SVEP1: variants seen among roughly 807,000 people sequenced by gnomAD.
SVEP1 encodes sushi, von Willebrand factor type A, EGF and pentraxin domain containing 1, also known as sushi, von Willebrand factor type A, EGF and pentraxin domain-containing protein 1.
A neutral mutation model predicts 367.3 loss-of-function variants in SVEP1; 164 were observed. The observed-to-expected ratio is 0.45, with a 90% CI of 0.39 to 0.51. The LOEUF is 0.51. Among genes scored for constraint, SVEP1 ranks in the 20% least tolerant of loss-of-function variants. The probability of loss-of-function intolerance (pLI) is 0.00; values close to 1 mark genes in which losing one functional copy is unlikely to be tolerated. For synonymous variants in SVEP1, 1,666 were observed against 1,611.6 expected (o/e 1.03, Z -0.81); for missense variants, 4,117 against 4,425.3 (o/e 0.93, Z 1.98).
At chr9:110,409,585 C>G (rs1287400261) in intron 37 of SVEP1, among the ~76,000 whole-genome samples, 1 of 151,902 alleles carries the variant, frequency 6.6e-6, no homozygotes, top group Admixed American at 6.6e-5. Context: ...TTACTCAGTT[C>G]AAAAAAACTT....
At chr9:110,458,881 G>T in intron 19 of SVEP1, 71 bp downstream of exon 19, 1 of 1,541,828 alleles carries the variant, frequency 6.5e-7, no homozygotes, top group Non-Finnish European at 8.8e-7. Context: ...ATTCAGAACT[G>T]AAGCTACAAC....
chr9:110,557,505 C>T (rs917817230), intron 1 of SVEP1, among the ~76,000 whole-genome samples: 1 of 146,682 alleles, frequency 6.8e-6, no homozygotes, highest in Admixed American at 6.8e-5. Flanking sequence ...CCCTCCCTCT[C>T]TCTCTCTCCC....
chr9:110,530,633 T>C (rs1588094867), intron 3 of SVEP1, among the ~76,000 whole-genome samples: 1 of 152,086 alleles, frequency 6.6e-6, no homozygotes, highest in African/African-American at 2.4e-5. Flanking sequence ...ACCTCCTGGG[T>C]TCAAGTGATT....
At chr9:110,440,476 C>T (rs951949459) in intron 27 of SVEP1, among the ~76,000 whole-genome samples, 7 of 152,300 alleles carry the variant, frequency 4.6e-5, no homozygotes, top group African/African-American at 1.7e-4. Context: ...AGGCACTGGA[C>T]TTAGACAGAT....
At chr9:110,551,052 T>C (rs1276699055) in intron 1 of SVEP1, among the ~76,000 whole-genome samples, 2 of 152,190 alleles carry the variant, frequency 1.3e-5, no homozygotes, top group African/African-American at 4.8e-5. Flanking sequence ...GAAATTCCTA[T>C]TAAAAAATAA....
At chr9:110,436,551 GTC>G in intron 27 of SVEP1, 47 bp from the exon 28 acceptor site, 1 of 1,583,368 alleles carries the variant, frequency 6.3e-7, no homozygotes, top group Non-Finnish European at 8.6e-7. Context: ...TGGCCTGATG[GTC>G]TGTTATTCCT....
intron 20 of SVEP1, chr9:110,458,005 C>A: frequency 2.5e-6 from 1 of 400,030 alleles, no homozygotes; most frequent in South Asian, 2.0e-5. Flanking sequence ...TTTGGTTTAG[C>A]TATATTCTTA....
intron 36 of SVEP1, among the ~76,000 whole-genome samples, chr9:110,423,616 CA>C (rs1227299803): frequency 2.7e-5 from 4 of 150,560 alleles, no homozygotes; most frequent in South Asian, 2.1e-4. Flanking sequence ...TTAAGCCTGA[CA>C]AAAAAAATCC....
intron 30 of SVEP1, 77 bp from the exon 31 acceptor site, chr9:110,432,712 C>T (rs1588050587): frequency 6.7e-7 from 1 of 1,485,976 alleles, no homozygotes. Context: ...ATTAAACTAG[C>T]AGTTCAGTTA....
chr9:110,403,798 C>G (rs765773394), intron 39 of SVEP1, among the ~76,000 whole-genome samples: 1 of 151,748 alleles, frequency 6.6e-6, no homozygotes, highest in Non-Finnish European at 1.5e-5. Flanking sequence ...CAGGCACTTT[C>G]CTCCATTATT....
Position 110,390,035 on chromosome 9 carries a change from A to ACT in SVEP1, c.9823-449_9823-448insAG, listed in dbSNP as rs1827607118. On this transcript the variant is annotated intron_variant, in intron 40 of 47. Transcript: ENST00000374469. ...TAAGTGTGTGTGTGTGTGTATATAT[A>ACT]TATAAGTATATATACACGTATATAT... Among the ~76,000 whole-genome samples the ACT allele has an allele frequency of 5.0e-5, 6 of 120,844 alleles. No homozygotes were observed. The South Asian group carries it at 1.6e-3, about 32-fold the overall frequency. The allele number at this position is 120,844 out of a possible 152,430, so 79.3% of individuals were successfully genotyped here.
At position 110,408,287 on chromosome 9, in the gene SVEP1, A is replaced by G; in HGVS notation, c.7313T>C (p.Val2438Ala). ...GATTTCCTCAGGTTGGGGACATTCTACTGGAACACATTCTGGCAGTGGAGA... is the reference window on the plus strand; with the variant it reads ...GATTTCCTCAGGTTGGGGACATTCTGCTGGAACACATTCTGGCAGTGGAGA... ...WSSPLPECVP[V>A]ECPQPEEIPN... Residue 2438 changes from valine (V) to alanine (A), a missense_variant, in exon 38 of 48, where the codon GTA (valine) becomes GCA (alanine). Physicochemically the swap from Val to Ala is moderately conservative, Grantham distance 64. This residue lies in a region of SVEP1 where 1,765 missense variants were observed against 1,781.1 expected (regional missense o/e 0.99). Coordinates refer to ENST00000374469, the MANE Select transcript of SVEP1 (RefSeq NM_153366.4). 3 of 1,614,020 alleles carry G rather than the reference A, an allele frequency of 1.9e-6. No homozygotes were observed. The highest frequency in any genetic ancestry group is 2.5e-6 in the Non-Finnish European group (3 of 1,179,894).
intron 40 of SVEP1, among the ~76,000 whole-genome samples, chr9:110,390,241 G>GTATATATACTTATATATACACA: frequency 1.9e-5 from 1 of 52,646 alleles, no homozygotes; most frequent in African/African-American, 9.1e-5. Flanking sequence ...ATAAGTATGT[G>GTATATATACTTATATATACACA]TATATATACT....
At chr9:110,528,154 G>GTATATATATATATATATATA (rs1265572366) in intron 3 of SVEP1, among the ~76,000 whole-genome samples, 3 of 25,702 alleles carry the variant, frequency 1.2e-4, no homozygotes, top group African/African-American at 2.9e-4. Flanking sequence ...GTGTGTGTGT[G>GTATATATATATATATATATA]TGTATATATA....
At chr9:110,554,659 A>G (rs1453788049) in intron 1 of SVEP1, among the ~76,000 whole-genome samples, 1 of 152,174 alleles carries the variant, frequency 6.6e-6, no homozygotes, top group African/African-American at 2.4e-5. Context: ...GAGTATCAAT[A>G]AAAATAATTG....
chr9:110,551,978 G>T (rs1225714418), intron 1 of SVEP1, among the ~76,000 whole-genome samples: 2 of 149,138 alleles, frequency 1.3e-5, no homozygotes, highest in Non-Finnish European at 3.0e-5. Context: ...CCAAAGAAGT[G>T]CCCTTGGTCA....
At chr9:110,515,077 T>C (rs1436676277) in intron 3 of SVEP1, among the ~76,000 whole-genome samples, 1 of 152,226 alleles carries the variant, frequency 6.6e-6, no homozygotes, top group Non-Finnish European at 1.5e-5. Flanking sequence ...GCTTCAAATC[T>C]TTCCTCTGCA....
intron 47 of SVEP1, among the ~76,000 whole-genome samples, chr9:110,368,499 A>G (rs1161780165): frequency 2.0e-5 from 3 of 152,200 alleles, no homozygotes. Context: ...TGATTAATGT[A>G]CAGTATTTTA....
chr9:110,387,794 A>G (rs750357660), intron 41 of SVEP1, among the ~76,000 whole-genome samples: 1 of 152,234 alleles, frequency 6.6e-6, no homozygotes, highest in Non-Finnish European at 1.5e-5. Context: ...CTTTTCAAAC[A>G]ATACTAAATT....
Sources: allele counts gnomAD v4.1 joint callset (sites outside exome capture counted in the v4.1 genomes callset), GRCh38; gene constraint gnomAD v4.1.1; regional missense constraint gnomAD v4.1.1; transcripts MANE v1.5; gene names NCBI Gene and HGNC (gene_info 2026-07-23, HGNC 2026-07-21).